Variants in NCL observed in about 807,000 individuals in gnomAD.
NCL encodes nucleolin multifunctional protein.
NCL carries 4 observed loss-of-function variants against 77.7 expected under a neutral mutation model. That is an observed-to-expected ratio of 0.05 (90% CI 0.03 to 0.12). The LOEUF (loss-of-function observed/expected upper bound fraction) is 0.12, where lower values mean the gene tolerates loss of function less well. Among genes scored for constraint, NCL ranks in the 10% least tolerant of loss-of-function variants. The pLI, the probability that NCL is intolerant of heterozygous loss-of-function variation, is 1.00. For synonymous variants in NCL, 344 were observed against 297.8 expected, an observed-to-expected ratio of 1.16 and a Z score of -1.60; for missense variants, 763 against 860.9, an observed-to-expected ratio of 0.89 and a Z score of 1.42.
At chr2:231,458,471 A>G (rs568840760) in intron 7 of NCL, 82 bp from the exon 8 acceptor site, 2 of 1,488,490 alleles carry the variant, frequency 1.3e-6, no homozygotes, top group East Asian at 2.3e-5. Context: ...GGAAAAACAC[A>G]CATAGCTCTA....
intron 13 of NCL, 36 bp downstream of exon 13, chr2:231,455,365 C>T: frequency 6.2e-7 from 1 of 1,613,636 alleles, no homozygotes; most frequent in Non-Finnish European, 8.5e-7. Context: ...CTGAAGAGCA[C>T]ATGCTATGTG....
chr2:231,461,815 G>T lies in NCL; in HGVS notation c.338C>A (p.Thr113Lys), dbSNP rs1162656812. The T allele has an allele frequency of 6.2e-7, 1 of 1,613,430 alleles. No homozygotes were observed. Among genetic ancestry groups the T allele is most frequent in the Non-Finnish European group, 8.5e-7 (1 of 1,179,960 alleles). ...AVTTPGKKGA[T>K]PGKALVATPG... Reference sequence around the variant, plus strand: ...AGTTGCTACCAATGCTTTGCCTGGTGTGGCTCCCTTCTTGCCAGGTGTGGT... The same window carrying T: ...AGTTGCTACCAATGCTTTGCCTGGTTTGGCTCCCTTCTTGCCAGGTGTGGT... The change falls in exon 3 of 14, where the codon ACA becomes AAA. Residue 113 changes from threonine (T) to lysine (K), a missense_variant. Coordinates refer to ENST00000322723, the MANE Select transcript of NCL (RefSeq NM_005381.3).
At position 231,459,141 on chromosome 2, in the gene NCL, G is replaced by A; in HGVS notation, c.1041-16C>T. The stretch of plus-strand genomic sequence containing the variant: ...ACCAAATTTCCTTCAAGGTGGAGAG[G>A]AGGGCAAAATTACAACAGGTGAAAA... On this transcript the variant is annotated splice_polypyrimidine_tract_variant and intron_variant, in intron 6 of 13. Coordinates refer to ENST00000322723, the MANE Select transcript of NCL (RefSeq NM_005381.3). 2 of 1,538,244 alleles carry A rather than the reference G, an allele frequency of 1.3e-6. No homozygotes were observed. The highest frequency in any genetic ancestry group is 1.7e-6 in the Non-Finnish European group (2 of 1,147,724).
intron 11 of NCL, 83 bp from the exon 12 acceptor site, chr2:231,456,219 GC>G: frequency 6.5e-7 from 1 of 1,537,646 alleles, no homozygotes; most frequent in South Asian, 1.2e-5. Context: ...ATGACTACTA[GC>G]CAAGAATACT....
At chr2:231,455,305 T>TAC in intron 13 of NCL, 38 bp from the exon 14 acceptor site, 1 of 1,613,810 alleles carries the variant, frequency 6.2e-7, no homozygotes, top group East Asian at 2.2e-5. Context: ...AAAGAATGGG[T>TAC]ACAAAGCTCC....
intron 2 of NCL, among the ~76,000 whole-genome samples, 200 bp from the exon 3 acceptor site, chr2:231,462,217 A>G (rs576574833): frequency 1.3e-5 from 2 of 152,320 alleles, no homozygotes; most frequent in South Asian, 4.1e-4. Flanking sequence ...ACCCAGACAT[A>G]AGGAACTCTT....
intron 6 of NCL, 85 bp downstream of exon 6, chr2:231,460,067 G>A (rs2046931522): frequency 7.2e-7 from 1 of 1,387,988 alleles, no homozygotes; most frequent in Non-Finnish European, 9.9e-7. Flanking sequence ...ATGTTTAACA[G>A]TAGCAGGCTA....
rs1252795225 is a variant in NCL, at chr2:231,460,746, T to C, written c.734A>G (p.Glu245Gly). The C allele has an allele frequency of 1.9e-6, 3 of 1,613,314 alleles. No homozygotes were observed. The African/African-American group carries it at 4.0e-5, about 22-fold the overall frequency. Reference protein sequence around the residue: ...DEDEEEDDEDEDDDDDEDDED... With the variant: ...DEDEEEDDEDGDDDDDEDDED... The stretch of plus-strand genomic sequence containing the variant: ...ATCATCTTCGTCGTCGTCGTCATCC[T>C]CGTCCTCATCATCCTCTTCTTCATC... The change falls in exon 4 of 14, where the codon GAG becomes GGG. Residue 245 changes from glutamate to glycine, a missense_variant. Glu to Gly is a moderately conservative substitution (Grantham distance 98). Around this residue, in one of 2 missense-constraint regions of NCL, gnomAD observed 590 missense variants for 570.5 expected, o/e 1.03. Coordinates refer to ENST00000322723, the MANE Select transcript of NCL (RefSeq NM_005381.3).
intron 9 of NCL, 49 bp downstream of exon 9, chr2:231,457,590 AAAGG>A: frequency 6.7e-7 from 1 of 1,486,326 alleles, no homozygotes; most frequent in Middle Eastern, 1.8e-4. Flanking sequence ...ACAAAGACAC[AAAGG>A]AGTTCCCTCC....
At chr2:231,458,886 A>G (rs1283975599) in intron 7 of NCL, 115 bp downstream of exon 7, 2 of 1,196,108 alleles carry the variant, frequency 1.7e-6, no homozygotes, top group Non-Finnish European at 2.3e-6. Context: ...AGGAAACCAA[A>G]GGAAAAAAAT....
intron 5 of NCL, 63 bp downstream of exon 5, chr2:231,460,415 T>C (rs777645386): frequency 5.7e-6 from 9 of 1,588,850 alleles, no homozygotes; most frequent in African/African-American, 4.0e-5. Flanking sequence ...CAGTATTAAG[T>C]CCCTTTGTTA....
At chr2:231,457,216 T>A (rs1310339539) in intron 9 of NCL, 92 bp from the exon 10 acceptor site, 15 of 1,541,456 alleles carry the variant, frequency 9.7e-6, no homozygotes, top group Non-Finnish European at 1.2e-5. Context: ...AGAATTTCAG[T>A]GCTTGAGTTA....
chr2:231,454,865 AAC>A lies in NCL; in HGVS notation c.*324_*325del, dbSNP rs2046868216. The A allele has an allele frequency of 3.9e-5, 8 of 205,328 alleles. No individual in the cohort carries two copies. The highest frequency in any genetic ancestry group is 1.6e-4 in the Admixed American group (3 of 18,466). 12.7% of individuals were successfully genotyped at this position (205,328 alleles called of 1,614,324 possible). A position where few individuals can be genotyped will look rare whatever the true frequency, so the allele number is the denominator to read the frequency against. Reference sequence around the variant, plus strand: ...CGAACGCAAAAAAAAAAAAAACAAAAACAAAACAAAAAAAAGAAACAACAACA... The same window carrying A: ...CGAACGCAAAAAAAAAAAAAACAAAAAAAACAAAAAAAAGAAACAACAACA... On this transcript the variant is annotated 3_prime_UTR_variant, in exon 14 of 14. Transcript: ENST00000322723.
rs769333105 is a variant in NCL, at chr2:231,460,232, A to G, written c.960T>C (p.Ala320=). The G allele has an allele frequency of 2.5e-6, 4 of 1,614,106 alleles. No individual in the cohort carries two copies. The South Asian group carries it at 4.4e-5, about 18-fold the overall frequency. Residue 320 remains alanine, a synonymous_variant, in exon 6 of 14, where the codon GCT becomes GCC. Coordinates refer to ENST00000322723, the MANE Select transcript of NCL (RefSeq NM_005381.3). ...FVGNLNFNKS[A]PELKTGISDV... ...CGCTGATACCAGTTTTTAATTCAGG[A>G]GCAGATTTGTTAAAGTTTAGGTTTC...
At chr2:231,455,918 A>C (rs1432081820) in intron 12 of NCL, 92 bp downstream of exon 12, 1 of 1,587,004 alleles carries the variant, frequency 6.3e-7, no homozygotes, top group Non-Finnish European at 8.6e-7. Flanking sequence ...ATAGACAGAA[A>C]GGAGCTCAAT....
intron 13 of NCL, 28 bp downstream of exon 13, chr2:231,455,372 TG>T: frequency 6.2e-7 from 1 of 1,613,748 alleles, no homozygotes; most frequent in South Asian, 1.1e-5. Context: ...GCACATGCTA[TG>T]TGGTGTCATT....
chr2:231,456,093 G>A lies in NCL; in HGVS notation c.1749C>T (p.Thr583=). ...TLFVKGLSED[T]TEETLKESFD... ...ATGACTCCTTTAATGTCTCTTCAGTGGTATCCTCAGACAGGCCTTTGACAA... is the reference window on the plus strand; with the variant it reads ...ATGACTCCTTTAATGTCTCTTCAGTAGTATCCTCAGACAGGCCTTTGACAA... Residue 583 remains threonine, a synonymous_variant, in exon 12 of 14, where the codon ACC becomes ACT. Transcript: ENST00000322723. The A allele has an allele frequency of 1.2e-6, 2 of 1,614,138 alleles. No homozygotes were observed. Among genetic ancestry groups the A allele is most frequent in the South Asian group, 1.1e-5 (1 of 91,086 alleles).
At chr2:231,463,178 G>C (rs768197430) in intron 2 of NCL, 22 bp downstream of exon 2, 12 of 1,495,748 alleles carry the variant, frequency 8.0e-6, no homozygotes, top group Non-Finnish European at 1.1e-5. Context: ...ACATAATTCT[G>C]CATTAAGTTG....
At chr2:231,461,452 C>T (rs2046949588) in intron 3 of NCL, 88 bp downstream of exon 3, 2 of 1,538,450 alleles carry the variant, frequency 1.3e-6, no homozygotes, top group Non-Finnish European at 8.7e-7. Flanking sequence ...ATCTCATCTC[C>T]AGGTTGTCGT....
Sources: gnomAD v4.1 joint callset for allele counts (sites outside exome capture counted in the v4.1 genomes callset) on GRCh38, gnomAD v4.1.1 for gene constraint, gnomAD v4.1.1 regional missense constraint, MANE v1.5 for transcripts, NCBI Gene and HGNC (gene_info 2026-07-23, HGNC 2026-07-21) for gene names.